SUMF2: variants seen among roughly 807,000 people sequenced by gnomAD.
The protein encoded by SUMF2 is sulfatase modifying factor 2, also known as inactive C-alpha-formylglycine-generating enzyme 2.
A neutral mutation model predicts 44.8 loss-of-function variants in SUMF2; 45 were observed. That is an observed-to-expected ratio of 1.00 (90% confidence interval 0.79 to 1.29). The LOEUF is 1.29. Among genes scored for constraint, SUMF2 ranks in the 50% most tolerant of loss-of-function variants. SUMF2 has a pLI of 0.00. For missense variants in SUMF2, 418 were observed against 389.9 expected, an observed-to-expected ratio of 1.07 and a Z score of -0.61; for synonymous variants, 148 against 150.4, an observed-to-expected ratio of 0.98 and a Z score of 0.12.
the SUMF2 span, chr7:56,087,554 T>A: frequency 1.9e-5 from 30 of 1,586,332 alleles, no homozygotes; most frequent in Non-Finnish European, 2.6e-5. Context: ...CAGGGCAGAA[T>A]CACAGGGGGG....
At chr7:56,087,292 A>G in the SUMF2 span, among the ~76,000 whole-genome samples, 7 of 151,262 alleles carry the variant, frequency 4.6e-5, no homozygotes, top group Admixed American at 2.0e-4. Flanking sequence ...TGCAATCATA[A>G]CTCACTGCAG....
chr7:56,079,391 T>C, intron 8 of SUMF2, 137 bp from the exon 9 acceptor site: 1 of 875,544 alleles, frequency 1.1e-6, no homozygotes, highest in South Asian at 1.6e-5. Context: ...ACACCAGGCT[T>C]CTTTCCAGAC....
chr7:56,083,899 AAGC>A (rs1796139448), downstream of SUMF2, among the ~76,000 whole-genome samples: 1 of 152,126 alleles, frequency 6.6e-6, no homozygotes, highest in Non-Finnish European at 1.5e-5. Flanking sequence ...ACTGGGAGAA[AAGC>A]AGAGGAGGCT....
intron 2 of SUMF2, among the ~76,000 whole-genome samples, chr7:56,069,718 T>C (rs1795039709): frequency 1.3e-5 from 2 of 152,110 alleles, no homozygotes; most frequent in South Asian, 2.1e-4. Flanking sequence ...CACCTGGGAC[T>C]ACAGGTGCGC....
At chr7:56,084,084 G>A, downstream of SUMF2, 2 of 879,838 alleles carry the variant, frequency 2.3e-6, no homozygotes, top group Non-Finnish European at 3.6e-6. Context: ...CTAGTTCCAG[G>A]CCAGGATGGC....
chr7:56,074,203 G>A lies in SUMF2; in HGVS notation c.369G>A (p.Lys123=), dbSNP rs777425330. 6.2e-7 allele frequency: 1 copy of A among 1,613,838 alleles called. No homozygotes were observed. Among genetic ancestry groups the A allele is most frequent in the South Asian group, 1.1e-5 (1 of 91,066 alleles). The change falls in exon 4 of 9, where the codon AAG becomes AAA. Residue 123 remains lysine, a synonymous_variant. Coordinates refer to ENST00000434526, the MANE Select transcript of SUMF2 (RefSeq NM_015411.4). ...KSVLWWLPVE[K]AFWRQPAGPG... ...TACTCTGGTGGCTTCCAGTGGAAAA[G>A]GCATTTTGGAGGCAGGTAAGGGCTG...
At position 56,072,140 on chromosome 7, in the gene SUMF2, T is replaced by A. The variant is rs866949473; in HGVS notation, c.225-857T>A. 1.1e-3 allele frequency among the ~76,000 whole-genome samples: 143 copies of A among 134,290 alleles called. 1 individual carries two copies. The highest frequency in any genetic ancestry group is 5.2e-3 in the Middle Eastern group (1 of 194). 88.1% of individuals were successfully genotyped at this position (134,290 alleles called of 152,430 possible). On this transcript the variant is annotated intron_variant, in intron 2 of 8. Transcript: ENST00000434526. Reference sequence around the variant, plus strand: ...CTGTCTCAAAAAAAAAAAAAAAAAATATTGGCCAAGTGTTGTGCCTCACAC... The same window carrying A: ...CTGTCTCAAAAAAAAAAAAAAAAAAAATTGGCCAAGTGTTGTGCCTCACAC...
chr7:56,064,882 CAAAAAAAAAAAAAA>C (rs71015175), intron 1 of SUMF2, among the ~76,000 whole-genome samples: 1 of 14,310 alleles, frequency 7.0e-5, no homozygotes, highest in East Asian at 2.9e-3. Flanking sequence ...TACTTTATCT[CAAAAAAAAAAAAAA>C]AAAAAAAAAA....
chr7:56,066,553 T>G (rs1794816458), intron 1 of SUMF2, among the ~76,000 whole-genome samples: 1 of 152,180 alleles, frequency 6.6e-6, no homozygotes, highest in East Asian at 1.9e-4. Context: ...GTTCAAGTGA[T>G]TCTCCTGCCT....
rs776113095 is a variant in SUMF2, at chr7:56,079,876, G to C, written c.*264G>C. 92 of 1,537,202 alleles carry C rather than the reference G, an allele frequency of 6.0e-5. No individual in the cohort carries two copies. The highest frequency in any genetic ancestry group is 7.7e-5 in the Non-Finnish European group (88 of 1,138,828). On this transcript the variant is annotated 3_prime_UTR_variant, in exon 9 of 9. Coordinates refer to ENST00000434526, the MANE Select transcript of SUMF2 (RefSeq NM_015411.4). ...TTAGAGGCCAAGTATTATTGACACAGGATTGCAAACACACAAACAATTGGA... is the reference window on the plus strand; with the variant it reads ...TTAGAGGCCAAGTATTATTGACACACGATTGCAAACACACAAACAATTGGA...
At chr7:56,073,570 G>A (rs925421689) in intron 3 of SUMF2, 3 of 211,116 alleles carry the variant, frequency 1.4e-5, no homozygotes, top group Non-Finnish European at 2.9e-5. Flanking sequence ...CTTGAACCTG[G>A]AAGGCAGAGG....
intron 1 of SUMF2, 25 bp downstream of exon 1, chr7:56,064,403 GGGGGCGCTGGGAAGGGGAT>G (rs1794602175): frequency 1.3e-6 from 2 of 1,587,626 alleles, no homozygotes; most frequent in Admixed American, 3.6e-5. Flanking sequence ...CGTCCATCCT[GGGGGCGCTGGGAAGGGGAT>G]GGGGCGCTCC....
the SUMF2 span, chr7:56,087,520 G>C: frequency 7.0e-7 from 1 of 1,427,764 alleles, no homozygotes. Context: ...GTGCGGTGGG[G>C]CCACACTCCC....
intron 4 of SUMF2, 139 bp downstream of exon 4, chr7:56,074,357 GCAGGCC>G: frequency 9.3e-7 from 1 of 1,080,068 alleles, no homozygotes. Context: ...AAAGCGCTCA[GCAGGCC>G]TGTTTCACCT....
intron 1 of SUMF2, 128 bp downstream of exon 1, chr7:56,064,506 A>C: frequency 7.5e-7 from 1 of 1,333,886 alleles, no homozygotes; most frequent in Non-Finnish European, 1.0e-6. Flanking sequence ...CTGGGGAGGT[A>C]GCTCTCGGTG....
chr7:56,068,576 G>A lies in SUMF2; in HGVS notation c.162G>A (p.Val54=), dbSNP rs769769232. ...ACAGCAGAGATGGTGACGGGCCTGT[G>A]CGGGAGGCGACAGTGAAACCCTTTG... ...SPDSRDGDGP[V]REATVKPFAI... Residue 54 remains valine, a synonymous_variant, in exon 2 of 9, where the codon GTG becomes GTA. Coordinates refer to ENST00000434526, the MANE Select transcript of SUMF2 (RefSeq NM_015411.4). 3.7e-6 allele frequency: 6 copies of A among 1,614,016 alleles called. No individual in the cohort carries two copies. The highest frequency in any genetic ancestry group is 5.1e-6 in the Non-Finnish European group (6 of 1,179,988).
At chr7:56,083,486 A>G (rs1480466179), downstream of SUMF2, 2 of 1,604,654 alleles carry the variant, frequency 1.2e-6, no homozygotes, top group Admixed American at 1.7e-5. Flanking sequence ...GCTCAGGGTC[A>G]GGTAACAGGC....
chr7:56,064,633 G>GGATTAAAGA (rs1426619449), intron 1 of SUMF2, among the ~76,000 whole-genome samples: 1 of 151,894 alleles, frequency 6.6e-6, no homozygotes, highest in Non-Finnish European at 1.5e-5. Context: ...CAGCACTTTG[G>GGATTAAAGA]GAGGCCGAGG....
chr7:56,082,761 A>G (rs752528989), downstream of SUMF2, among the ~76,000 whole-genome samples: 41 of 152,268 alleles, frequency 2.7e-4, no homozygotes, highest in Non-Finnish European at 4.7e-4. Flanking sequence ...ACTTCTAGCC[A>G]TCCTGGCCTG....
Sources: allele counts gnomAD v4.1 joint callset (sites outside exome capture counted in the v4.1 genomes callset), GRCh38; gene constraint gnomAD v4.1.1; transcripts MANE v1.5; gene names NCBI Gene and HGNC (gene_info 2026-07-23, HGNC 2026-07-21).